ZNF486: variants seen among roughly 807,000 people sequenced by gnomAD.
ZNF486 encodes KRAB box only protein 2.
In ZNF486, 12 loss-of-function variants were observed where a neutral mutation model predicts 12.8. The observed-to-expected ratio is 0.94, with a 90% CI of 0.60 to 1.52. The LOEUF is 1.52. Ranked by LOEUF, ZNF486 falls within the 40% of genes most tolerant of loss-of-function variation. ZNF486 has a pLI of 0.00. For synonymous variants in ZNF486, 231 were observed against 184.9 expected (o/e 1.25, Z -2.02); for missense variants, 738 against 545.0 (o/e 1.35, Z -3.53).
chr19:20,171,602 T>A (rs115036331), intron 1 of ZNF486, among the ~76,000 whole-genome samples: 330 of 152,386 alleles, frequency 2.2e-3, no homozygotes, highest in African/African-American at 7.3e-3. Context: ...TAATTTCATC[T>A]GCCTACATGC....
At chr19:20,171,205 G>T (rs1163766703) in intron 1 of ZNF486, among the ~76,000 whole-genome samples, 2 of 152,166 alleles carry the variant, frequency 1.3e-5, no homozygotes, top group African/African-American at 2.4e-5. Context: ...TGGGTGTTTG[G>T]GATTGGGAGG....
chr19:20,196,736 T>C (rs1555718005), intron 3 of ZNF486, among the ~76,000 whole-genome samples: 2 of 151,850 alleles, frequency 1.3e-5, no homozygotes, highest in African/African-American at 2.4e-5. Context: ...TGCATTGTGC[T>C]CACCTAGGGA....
intron 3 of ZNF486, among the ~76,000 whole-genome samples, chr19:20,190,153 C>G (rs2089888528): frequency 6.6e-6 from 1 of 152,162 alleles, no homozygotes; most frequent in South Asian, 2.1e-4. Flanking sequence ...GGTCTTTCAT[C>G]TGTTTATCTT....
At chr19:20,169,918 TCTCACTCCGTCGCCCAGG>T (rs2089629314) in intron 1 of ZNF486, among the ~76,000 whole-genome samples, 1 of 138,678 alleles carries the variant, frequency 7.2e-6, no homozygotes, top group African/African-American at 2.8e-5. Flanking sequence ...TTTGAGACAG[TCTCACTCCGTCGCCCAGG>T]CTGGAGTGCA....
At chr19:20,172,437 T>A (rs1568316255) in intron 1 of ZNF486, among the ~76,000 whole-genome samples, 1 of 151,982 alleles carries the variant, frequency 6.6e-6, no homozygotes, top group East Asian at 1.9e-4. Context: ...TAGCTGGGAT[T>A]ACAGGCACCT....
intron 1 of ZNF486, among the ~76,000 whole-genome samples, chr19:20,179,642 A>C (rs2089762717): frequency 1.3e-5 from 2 of 150,664 alleles, no homozygotes; most frequent in Admixed American, 6.6e-5. Context: ...CTGGGATTTA[A>C]AAAAAAAAGC....
chr19:20,175,343 T>A (rs1244663658), intron 1 of ZNF486: 1 of 145,984 alleles, frequency 6.9e-6, no homozygotes, highest in Non-Finnish European at 1.5e-5. Context: ...TTTTTTTTTT[T>A]TTTTTTTATT....
At position 20,197,504 on chromosome 19, in the gene ZNF486, C is replaced by A; in HGVS notation, c.794C>A (p.Pro265His). Residue 265 changes from proline (P) to histidine (H), a missense_variant, in exon 4 of 4, where the codon CCC (proline) becomes CAC (histidine). Physicochemically the swap from Pro to His is moderately conservative, Grantham distance 77 (BLOSUM62 -2). Transcript: ENST00000335117. Reference protein sequence around the residue: ...THKKIHSGEKPYICEECGKAF... With the variant: ...THKKIHSGEKHYICEECGKAF... ...AAGAAAATTCATAGTGGAGAGAAAC[C>A]CTACATTTGTGAAGAATGTGGCAAA... 6.2e-7 allele frequency: 1 copy of A among 1,609,310 alleles called. No individual in the cohort carries two copies.
chr19:20,170,345 A>AG (rs2089635846), intron 1 of ZNF486, among the ~76,000 whole-genome samples: 2 of 152,032 alleles, frequency 1.3e-5, no homozygotes, highest in African/African-American at 4.8e-5. Context: ...TGGGAGGCTG[A>AG]GGCAGGCCGA....
At chr19:20,168,632 C>CA (rs1404256013) in intron 1 of ZNF486, among the ~76,000 whole-genome samples, 3 of 147,660 alleles carry the variant, frequency 2.0e-5, no homozygotes, top group Non-Finnish European at 4.5e-5. Flanking sequence ...CCAGCCTGGG[C>CA]AACAACAGCG....
intron 1 of ZNF486, 26 bp downstream of exon 1, chr19:20,167,386 AG>A: frequency 6.2e-7 from 1 of 1,611,320 alleles, no homozygotes; most frequent in Non-Finnish European, 8.5e-7. Flanking sequence ...GGACATCCTG[AG>A]AGAGGGGAGG....
At chr19:20,178,833 A>G (rs2089752868) in intron 1 of ZNF486, among the ~76,000 whole-genome samples, 1 of 152,220 alleles carries the variant, frequency 6.6e-6, no homozygotes, top group Admixed American at 6.5e-5. Context: ...TGACTCCTGT[A>G]TCTTCAGACT....
At chr19:20,170,142 C>T (rs564336668) in intron 1 of ZNF486, among the ~76,000 whole-genome samples, 90 of 151,912 alleles carry the variant, frequency 5.9e-4, no homozygotes, top group African/African-American at 2.0e-3. Flanking sequence ...TGTGATCCGC[C>T]CGCCTCGGCC....
chr19:20,174,231 C>T (rs2089680577), intron 1 of ZNF486, among the ~76,000 whole-genome samples: 1 of 152,114 alleles, frequency 6.6e-6, no homozygotes, highest in Admixed American at 6.6e-5. Context: ...AGTACTTATA[C>T]TGCAAAAAGA....
Position 20,199,044 on chromosome 19 carries a change from G to C in ZNF486, c.*942G>C, listed in dbSNP as rs1233815853. 6.6e-6 allele frequency: 1 copy of C among 152,078 alleles called. No individual in the cohort carries two copies. The highest frequency in any genetic ancestry group is 1.5e-5 in the Non-Finnish European group (1 of 68,028). The allele number at this position is 152,078 out of a possible 1,614,324, so 9.4% of individuals were successfully genotyped here. A position where few individuals can be genotyped will look rare whatever the true frequency, so the allele number is the denominator to read the frequency against. ...CTTCCAAAATACCTACAAGTATGAA[G>C]AATGTGGCAAAACTTTTAATCAGTG... On this transcript the variant is annotated 3_prime_UTR_variant, in exon 4 of 4. Coordinates refer to ENST00000335117, the MANE Select transcript of ZNF486 (RefSeq NM_052852.4).
chr19:20,174,084 AT>A (rs1555714310), intron 1 of ZNF486, among the ~76,000 whole-genome samples: 1 of 152,150 alleles, frequency 6.6e-6, no homozygotes, highest in Non-Finnish European at 1.5e-5. Context: ...ATAAAAGCTA[AT>A]TTTAAGGGCA....
chr19:20,171,340 G>A (rs1004318569), intron 1 of ZNF486, among the ~76,000 whole-genome samples: 2 of 152,162 alleles, frequency 1.3e-5, no homozygotes, highest in Non-Finnish European at 2.9e-5. Flanking sequence ...CCCTTTTATT[G>A]CAGCTATCAC....
chr19:20,195,673 T>C (rs1403830748), intron 3 of ZNF486, among the ~76,000 whole-genome samples: 2 of 152,226 alleles, frequency 1.3e-5, no homozygotes, highest in Non-Finnish European at 2.9e-5. Flanking sequence ...ATCAATTGTC[T>C]TGGCTAGAGA....
At chr19:20,173,725 G>A (rs1441286637) in intron 1 of ZNF486, among the ~76,000 whole-genome samples, 11 of 151,984 alleles carry the variant, frequency 7.2e-5, no homozygotes, top group African/African-American at 2.2e-4. Flanking sequence ...CCAGCTACTT[G>A]GGAGGCTGAG....
Sources: allele counts gnomAD v4.1 joint callset (sites outside exome capture counted in the v4.1 genomes callset), GRCh38; gene constraint gnomAD v4.1.1; transcripts MANE v1.5; gene names NCBI Gene and HGNC (gene_info 2026-07-23, HGNC 2026-07-21).